Variants in CMIP observed in about 807,000 individuals in gnomAD.
The protein encoded by CMIP is C-Maf-inducing protein.
A neutral mutation model predicts 97.3 loss-of-function variants in CMIP; 13 were observed. The observed-to-expected ratio is 0.13, with a 90% confidence interval of 0.09 to 0.21. CMIP has a LOEUF of 0.21. Ranked by LOEUF, CMIP falls within the 10% of genes least tolerant of loss-of-function variation. CMIP has a pLI of 1.00. For missense variants in CMIP, 847 were observed against 1,024.9 expected, an observed-to-expected ratio of 0.83 and a Z score of 2.37; for synonymous variants, 538 against 436.3, an observed-to-expected ratio of 1.23 and a Z score of -2.91.
At position 81,615,724 on chromosome 16, in the gene CMIP, G is replaced by GGT. The variant is rs900039429; in HGVS notation, c.427-5141_427-5140dup. On this transcript the variant is annotated intron_variant, in intron 2 of 20. Transcript: ENST00000537098. ...GTGTCGTGTGTGTGCATGTGTAACT[G>GGT]GTGTGTGTGTGTATGGTGTGTGTGT... Among the ~76,000 whole-genome samples the GGT allele has an allele frequency of 3.0e-4, 44 of 147,320 alleles. No individual in the cohort carries two copies. In the East Asian group the frequency reaches 7.0e-3, roughly 23 times the overall value.
At chr16:81,495,316 G>C (rs1471282462) in intron 1 of CMIP, 5 of 1,453,514 alleles carry the variant, frequency 3.4e-6, no homozygotes, top group Non-Finnish European at 4.5e-6. Context: ...GGGCAGGCTG[G>C]TTCAGTGATA....
intron 1 of CMIP, among the ~76,000 whole-genome samples, chr16:81,482,171 G>T (rs1023024168): frequency 1.3e-5 from 2 of 152,224 alleles, no homozygotes; most frequent in East Asian, 3.9e-4. Flanking sequence ...GAGCTACCGG[G>T]CCTGTCCCTG....
At chr16:81,525,908 T>C (rs13331687) in intron 1 of CMIP, among the ~76,000 whole-genome samples, 8,133 of 152,298 alleles carry the variant, frequency 0.053, 253 homozygotes, top group Middle Eastern at 0.085. Context: ...AGCGTAATGC[T>C]CTCAAGGTTC....
chr16:81,595,417 C>T (rs1215420137), intron 1 of CMIP, among the ~76,000 whole-genome samples: 7 of 139,844 alleles, frequency 5.0e-5, no homozygotes, highest in African/African-American at 1.6e-4. Flanking sequence ...GAGACAGAGT[C>T]TTGCTCTGTT....
At chr16:81,676,034 G>T (rs1046271428) in intron 9 of CMIP, among the ~76,000 whole-genome samples, 10 of 152,210 alleles carry the variant, frequency 6.6e-5, no homozygotes, top group African/African-American at 1.9e-4. Context: ...TGGGATTTCA[G>T]TTCCATTCCC....
chr16:81,676,530 T>C (rs1249227273), intron 9 of CMIP, among the ~76,000 whole-genome samples: 1 of 152,108 alleles, frequency 6.6e-6, no homozygotes, highest in Non-Finnish European at 1.5e-5. Flanking sequence ...AATGCAGTGT[T>C]GAGTACTTGG....
chr16:81,706,574 G>A (rs1032411344), intron 19 of CMIP, among the ~76,000 whole-genome samples: 2 of 152,224 alleles, frequency 1.3e-5, no homozygotes, highest in African/African-American at 4.8e-5. Flanking sequence ...TGGGTGGAGG[G>A]GTCTGCCCCC....
intron 1 of CMIP, among the ~76,000 whole-genome samples, chr16:81,584,472 T>C (rs1298451208): frequency 6.6e-6 from 1 of 152,234 alleles, no homozygotes; most frequent in Non-Finnish European, 1.5e-5. Flanking sequence ...TTTATGTGTG[T>C]ATATATGTAT....
chr16:81,656,873 C>T (rs1278270268), intron 4 of CMIP, among the ~76,000 whole-genome samples: 1 of 152,176 alleles, frequency 6.6e-6, no homozygotes, highest in Non-Finnish European at 1.5e-5. Flanking sequence ...CCACACTCCT[C>T]AGCCTCCCAA....
At chr16:81,584,585 G>A (rs934660104) in intron 1 of CMIP, among the ~76,000 whole-genome samples, 2 of 152,208 alleles carry the variant, frequency 1.3e-5, no homozygotes, top group African/African-American at 4.8e-5. Context: ...TCTGTTAAGA[G>A]TGTGCCCGTG....
intron 1 of CMIP, among the ~76,000 whole-genome samples, chr16:81,461,546 T>C (rs996349069): frequency 3.3e-5 from 5 of 152,188 alleles, no homozygotes; most frequent in Non-Finnish European, 7.3e-5. Context: ...CTATTTGCCA[T>C]TCTTGATGTA....
intron 1 of CMIP, among the ~76,000 whole-genome samples, chr16:81,578,721 A>G (rs751131074): frequency 2.6e-5 from 4 of 152,236 alleles, no homozygotes; most frequent in Non-Finnish European, 4.4e-5. Context: ...GACTGTGCAT[A>G]CATCCTCTGT....
chr16:81,478,928 G>T (rs1344878988), intron 1 of CMIP, among the ~76,000 whole-genome samples: 1 of 152,156 alleles, frequency 6.6e-6, no homozygotes. Context: ...CTTGTTCATT[G>T]GAGCTCAGTT....
rs77065587 is a variant in CMIP, at chr16:81,460,322, C to T, written c.300+14781C>T. ...CCTCCCTTTTCCTTCGGGTTGCCAG[C>T]GGTTGCCATGGGTGGGTGGCGTCCC... is the stretch of plus-strand genomic sequence containing the variant. On this transcript the variant is annotated intron_variant, in intron 1 of 20. Coordinates refer to ENST00000537098, the MANE Select transcript of CMIP (RefSeq NM_198390.3). Among the ~76,000 whole-genome samples, 3,236 of 152,190 alleles carry T rather than the reference C, an allele frequency of 0.021. 208 individuals carry two copies. The East Asian group carries it at 0.28, about 13-fold the overall frequency.
At chr16:81,619,548 G>C (rs1449579600) in intron 2 of CMIP, 2 of 152,312 alleles carry the variant, frequency 1.3e-5, no homozygotes, top group Non-Finnish European at 2.9e-5. Flanking sequence ...GCCTTCGTCA[G>C]ACCCCCTGAA....
intron 1 of CMIP, chr16:81,520,553 AGGGAGGGAGGAAGGGG>A (rs1187452287): frequency 8.0e-6 from 1 of 125,764 alleles, no homozygotes. Context: ...AGAGAGAGGG[AGGGAGGGAGGAAGGGG>A]GAGAGAGAGA....
At chr16:81,562,080 A>C (rs2090894165) in intron 1 of CMIP, among the ~76,000 whole-genome samples, 1 of 152,210 alleles carries the variant, frequency 6.6e-6, no homozygotes, top group African/African-American at 2.4e-5. Context: ...GTAAATGTGC[A>C]AGGAAGGGAA....
intron 1 of CMIP, among the ~76,000 whole-genome samples, chr16:81,473,348 A>G (rs566088150): frequency 6.6e-6 from 1 of 152,222 alleles, no homozygotes; most frequent in Non-Finnish European, 1.5e-5. Context: ...TGTAATTTCC[A>G]TGTCTGGGAC....
Position 81,445,119 on chromosome 16 carries a change from C to G in CMIP, c.-123C>G, listed in dbSNP as rs1312069322. 4.8e-6 allele frequency: 2 copies of G among 420,902 alleles called. No individual in the cohort carries two copies. The highest frequency in any genetic ancestry group is 7.9e-5 in the East Asian group (2 of 25,388). The allele number at this position is 420,902 out of a possible 1,614,324, so 26.1% of individuals were successfully genotyped here. The stretch of plus-strand genomic sequence containing the variant: ...CCCTCCCCTGCGGGCGCCCCCAGCC[C>G]CACACCCCCCCACCTTCCCGGGGGG... On this transcript the variant is annotated 5_prime_UTR_variant, in exon 1 of 21. Transcript: ENST00000537098.
Sources: allele counts gnomAD v4.1 joint callset (sites outside exome capture counted in the v4.1 genomes callset), GRCh38; gene constraint gnomAD v4.1.1; transcripts MANE v1.5; gene names NCBI Gene and HGNC (gene_info 2026-07-23, HGNC 2026-07-21).